Variants in COL4A2 observed in about 807,000 individuals in gnomAD.
The protein encoded by COL4A2 is collagen type IV alpha 2 chain.
In COL4A2, 99 loss-of-function variants were observed where a neutral mutation model predicts 200.2. The observed-to-expected ratio is 0.49, with a 90% CI of 0.42 to 0.58. The LOEUF (loss-of-function observed/expected upper bound fraction) is 0.58. COL4A2 is among the 20% of genes least tolerant of loss of function. The pLI is 0.00. For synonymous variants in COL4A2, 897 were observed against 900.6 expected, an observed-to-expected ratio of 1.00 and a Z score of 0.07; for missense variants, 1,950 against 2,314.1, an observed-to-expected ratio of 0.84 and a Z score of 3.23.
chr13:110,349,989 C>G (rs944514784), intron 3 of COL4A2, among the ~76,000 whole-genome samples: 8 of 152,072 alleles, frequency 5.3e-5, no homozygotes, highest in African/African-American at 1.7e-4. Flanking sequence ...GTCTTGAACT[C>G]CTAACTTCAA....
intron 4 of COL4A2, among the ~76,000 whole-genome samples, chr13:110,386,689 A>G (rs1878765098): frequency 6.6e-6 from 1 of 152,198 alleles, no homozygotes. Context: ...TTATTTCTCC[A>G]CTTTGGCCCA....
Position 110,415,766 on chromosome 13 carries a change from C to T in COL4A2, c.181-8968C>T, listed in dbSNP as rs557375558. Among the ~76,000 whole-genome samples, 7 of 152,346 alleles carry T rather than the reference C, an allele frequency of 4.6e-5. No individual in the cohort carries two copies. In the South Asian group the frequency reaches 6.2e-4, roughly 14 times the overall value. ...CTGCTTGCTCAACTCACCGGGAGCC[C>T]GCCTTTGGAAGGCCACCCACACGCC... On this transcript the variant is annotated intron_variant, in intron 4 of 47. Coordinates refer to ENST00000360467, the MANE Select transcript of COL4A2 (RefSeq NM_001846.4).
At chr13:110,354,888 C>T (rs1347978411) in intron 3 of COL4A2, among the ~76,000 whole-genome samples, 12 of 152,192 alleles carry the variant, frequency 7.9e-5, no homozygotes, top group Non-Finnish European at 1.2e-4. Flanking sequence ...CCCTGCTGGG[C>T]GGCAGTGGCA....
chr13:110,430,882 C>T (rs1409525987), intron 10 of COL4A2: 1 of 646,042 alleles, frequency 1.5e-6, no homozygotes, highest in Non-Finnish European at 2.9e-6. Flanking sequence ...CCATCCCCAC[C>T]CCATACCTAC....
At chr13:110,390,577 T>G (rs1001246999) in intron 4 of COL4A2, among the ~76,000 whole-genome samples, 1 of 152,208 alleles carries the variant, frequency 6.6e-6, no homozygotes, top group Non-Finnish European at 1.5e-5. Context: ...TTAAAACTTG[T>G]GTATTGGGAA....
chr13:110,375,340 C>T (rs1326304500), intron 4 of COL4A2, among the ~76,000 whole-genome samples: 3 of 152,210 alleles, frequency 2.0e-5, no homozygotes, highest in South Asian at 4.1e-4. Flanking sequence ...TGTCACAGTG[C>T]AGAGGCTCAA....
intron 3 of COL4A2, among the ~76,000 whole-genome samples, chr13:110,331,283 A>G (rs1212970186): frequency 1.3e-5 from 2 of 152,236 alleles, no homozygotes; most frequent in Non-Finnish European, 2.9e-5. Context: ...GAACAGGGTT[A>G]TTTGAGAGAT....
intron 16 of COL4A2, among the ~76,000 whole-genome samples, chr13:110,443,947 C>T (rs1408491601): frequency 6.6e-6 from 1 of 152,154 alleles, no homozygotes; most frequent in Non-Finnish European, 1.5e-5. Context: ...GGTTTCACTG[C>T]CAGTGGTCTC....
intron 3 of COL4A2, among the ~76,000 whole-genome samples, chr13:110,309,087 C>G (rs1236219299): frequency 6.6e-6 from 1 of 152,196 alleles, no homozygotes; most frequent in African/African-American, 2.4e-5. Flanking sequence ...TACACAGGTA[C>G]AAAGGGCAAA....
intron 47 of COL4A2, among the ~76,000 whole-genome samples, chr13:110,511,208 A>T (rs1293563967): frequency 6.6e-6 from 1 of 151,164 alleles, no homozygotes; most frequent in Non-Finnish European, 1.5e-5. Context: ...AAACATGTTG[A>T]TGCAACAGAA....
chr13:110,307,547 C>T lies in COL4A2; in HGVS notation c.-45+19C>T. On this transcript the variant is annotated intron_variant, in intron 1 of 47. Transcript: ENST00000360467. The surrounding 1 kb of genome is among the most constrained non-coding windows in gnomAD (Gnocchi z 5.0). Reference sequence around the variant, plus strand: ...GCCCGAGGTGAGAGCGACCCCCGAGCGGCGCCCAGACCCTGGCCCGAGAGC... The same window carrying T: ...GCCCGAGGTGAGAGCGACCCCCGAGTGGCGCCCAGACCCTGGCCCGAGAGC... 3.2e-6 allele frequency: 1 copy of T among 312,498 alleles called. No individual in the cohort carries two copies. Among genetic ancestry groups the T allele is most frequent in the Non-Finnish European group, 5.8e-6 (1 of 171,122 alleles). 19.4% of individuals were successfully genotyped at this position (312,498 alleles called of 1,614,324 possible).
intron 3 of COL4A2, among the ~76,000 whole-genome samples, chr13:110,353,647 A>G (rs1289566943): frequency 6.6e-6 from 1 of 152,264 alleles, no homozygotes; most frequent in Non-Finnish European, 1.5e-5. Flanking sequence ...CCCTGCCCTA[A>G]TAAGTCAATA....
rs1883426170 is a variant in COL4A2 at position 110,495,423 on chromosome 13, GC to G, written c.3719del (p.Pro1240LeufsTer52). ...CCAGGAGAGGCCAACACCCTTCCAG[GC>G]CCTGTGGGAGTCCCAGGACAGAAAG... ...GDPGEANTLP[G>X]PVGVPGQKGD... On this transcript the variant is annotated frameshift_variant, in exon 40 of 48. Transcript: ENST00000360467. LOFTEE classifies it high-confidence loss of function. 6.2e-7 allele frequency: 1 copy of G among 1,613,828 alleles called. No individual in the cohort carries two copies. The highest frequency in any genetic ancestry group is 8.5e-7 in the Non-Finnish European group (1 of 1,179,992).
intron 41 of COL4A2, 175 bp from the exon 42 acceptor site, chr13:110,502,946 G>A: frequency 1.6e-6 from 1 of 625,478 alleles, no homozygotes; most frequent in Non-Finnish European, 2.8e-6. Flanking sequence ...TGATTAAAAT[G>A]GTAACTTTTA....
intron 37 of COL4A2, 63 bp downstream of exon 37, chr13:110,491,403 G>A: frequency 8.7e-7 from 1 of 1,155,584 alleles, no homozygotes. Flanking sequence ...CCAGAACAAA[G>A]GCGGTCAACA....
intron 3 of COL4A2, among the ~76,000 whole-genome samples, chr13:110,350,292 A>G (rs954713217): frequency 6.6e-6 from 1 of 152,208 alleles, no homozygotes; most frequent in Admixed American, 6.5e-5. Flanking sequence ...AACATTTCCA[A>G]TTCCTACAGT....
At chr13:110,350,771 A>G (rs1876921752) in intron 3 of COL4A2, among the ~76,000 whole-genome samples, 1 of 152,218 alleles carries the variant, frequency 6.6e-6, no homozygotes, top group Admixed American at 6.5e-5. Context: ...TGGGGCCTGC[A>G]TTCCTCACTA....
intron 3 of COL4A2, among the ~76,000 whole-genome samples, chr13:110,349,867 G>T (rs746431014): frequency 1.8e-4 from 28 of 152,056 alleles, no homozygotes; most frequent in Non-Finnish European, 3.7e-4. Flanking sequence ...GGGTTGAAGT[G>T]ATTCTTGTGT....
intron 32 of COL4A2, among the ~76,000 whole-genome samples, chr13:110,484,696 A>C (rs1883049784): frequency 1.3e-5 from 2 of 152,202 alleles, no homozygotes; most frequent in African/African-American, 2.4e-5. Context: ...CAGTGACACC[A>C]GCCCCAGGCC....
Sources: gnomAD v4.1 joint callset for allele counts (sites outside exome capture counted in the v4.1 genomes callset) on GRCh38, gnomAD v4.1.1 for gene constraint, Gnocchi (gnomAD v3.1) non-coding constraint, MANE v1.5 for transcripts, NCBI Gene and HGNC (gene_info 2026-07-23, HGNC 2026-07-21) for gene names.